The following GRIN2B variants were observed in gnomAD, a reference collection of about 807,000 sequenced individuals.
GRIN2B encodes the protein glutamate ionotropic receptor NMDA type subunit 2B.
A neutral mutation model predicts 114.5 loss-of-function variants in GRIN2B; 5 were observed. The ratio of observed to expected loss-of-function variants is 0.04; its 90% CI spans 0.02 to 0.09. The LOEUF (loss-of-function observed/expected upper bound fraction) is 0.09, where lower values mean the gene tolerates loss of function less well. GRIN2B is among the 10% of genes least tolerant of loss of function. The pLI is 1.00. For missense variants in GRIN2B, 1,108 were observed against 1,943.5 expected, an observed-to-expected ratio of 0.57 and a Z score of 8.08; for synonymous variants, 787 against 745.1, an observed-to-expected ratio of 1.06 and a Z score of -0.92.
intron 2 of GRIN2B, among the ~76,000 whole-genome samples, chr12:13,894,450 C>T (rs1565578216): frequency 6.6e-6 from 1 of 152,026 alleles, no homozygotes; most frequent in Non-Finnish European, 1.5e-5. Context: ...AATCTGTATG[C>T]TGTGATGCTT....
At chr12:13,624,685 A>C (rs1408056395) in intron 5 of GRIN2B, among the ~76,000 whole-genome samples, 1 of 152,218 alleles carries the variant, frequency 6.6e-6, no homozygotes, top group Non-Finnish European at 1.5e-5. Flanking sequence ...ACACACGCTG[A>C]AGGGAAGCCC....
At chr12:13,588,578 T>C (rs1467004817) in intron 10 of GRIN2B, among the ~76,000 whole-genome samples, 1 of 152,198 alleles carries the variant, frequency 6.6e-6, no homozygotes, top group African/African-American at 2.4e-5. Flanking sequence ...AAATAATTCT[T>C]ACAGGATGTA....
chr12:13,635,974 G>A (rs1275931076), intron 5 of GRIN2B, among the ~76,000 whole-genome samples: 1 of 152,174 alleles, frequency 6.6e-6, no homozygotes, highest in Non-Finnish European at 1.5e-5. Flanking sequence ...ACATTCTAGT[G>A]AGGGAGAAAG....
intron 3 of GRIN2B, among the ~76,000 whole-genome samples, chr12:13,832,448 T>G (rs1324610834): frequency 6.6e-6 from 1 of 152,112 alleles, no homozygotes; most frequent in Non-Finnish European, 1.5e-5. Context: ...CCTCCCAGAG[T>G]AGAGACCCCT....
intron 3 of GRIN2B, among the ~76,000 whole-genome samples, chr12:13,814,293 C>T (rs1162206920): frequency 6.6e-6 from 1 of 152,126 alleles, no homozygotes; most frequent in Non-Finnish European, 1.5e-5. Context: ...ACGAAGAGAG[C>T]GAAGAGCCAA....
intron 2 of GRIN2B, among the ~76,000 whole-genome samples, chr12:13,956,701 C>T (rs1867598647): frequency 6.6e-6 from 1 of 152,172 alleles, no homozygotes; most frequent in Admixed American, 6.5e-5. Flanking sequence ...CCGTGAGCCA[C>T]AGAACAAAAC....
chr12:13,799,005 G>C (rs544913062), intron 3 of GRIN2B, among the ~76,000 whole-genome samples: 5 of 152,172 alleles, frequency 3.3e-5, no homozygotes, highest in Admixed American at 6.5e-5. Context: ...TTTGACATTT[G>C]TTAAATCCAA....
chr12:13,960,482 G>A (rs1268627173), intron 2 of GRIN2B, among the ~76,000 whole-genome samples: 1 of 152,016 alleles, frequency 6.6e-6, no homozygotes, highest in African/African-American at 2.4e-5. Flanking sequence ...TGTGGCAAGA[G>A]GATTCATATG....
chr12:13,542,839 A>T lies in GRIN2B; in HGVS notation c.*19944T>A, dbSNP rs1404316209. The T allele has an allele frequency of 6.6e-6, 1 of 152,082 alleles. No homozygotes were observed. Among genetic ancestry groups the T allele is most frequent in the Admixed American group, 6.5e-5 (1 of 15,274 alleles). 9.4% of individuals were successfully genotyped at this position (152,082 alleles called of 1,614,324 possible). A position where few individuals can be genotyped will look rare whatever the true frequency, so the allele number is the denominator to read the frequency against. ...ACAGAAACCTGGCTCCTCTTTGAGG[A>T]CCCTGAATCACTCCCAGGTGGTGAG... On this transcript the variant is annotated 3_prime_UTR_variant, in exon 14 of 14. Transcript: ENST00000609686.
intron 2 of GRIN2B, among the ~76,000 whole-genome samples, chr12:13,925,686 A>G (rs951696357): frequency 1.3e-5 from 2 of 152,066 alleles, no homozygotes; most frequent in South Asian, 2.1e-4. Context: ...ACCAAGCCCA[A>G]TAGTCACCTT....
intron 3 of GRIN2B, among the ~76,000 whole-genome samples, chr12:13,772,870 AC>A (rs1863931846): frequency 6.6e-6 from 1 of 152,054 alleles, no homozygotes; most frequent in Non-Finnish European, 1.5e-5. Context: ...GATCAAAGCC[AC>A]CCCCTGCTCT....
intron 13 of GRIN2B, 69 bp downstream of exon 13, chr12:13,566,956 C>T: frequency 9.4e-7 from 1 of 1,067,874 alleles, no homozygotes; most frequent in Non-Finnish European, 1.5e-6. Context: ...TCTTGGTTCT[C>T]TCTGCTTTGC....
intron 5 of GRIN2B, among the ~76,000 whole-genome samples, chr12:13,619,394 G>A (rs1362308961): frequency 1.3e-5 from 2 of 152,224 alleles, no homozygotes; most frequent in African/African-American, 4.8e-5. Flanking sequence ...GGGAAGGTAC[G>A]AATGATCCTA....
chr12:13,733,810 G>C (rs1439561582), intron 4 of GRIN2B, among the ~76,000 whole-genome samples: 1 of 152,200 alleles, frequency 6.6e-6, no homozygotes, highest in Non-Finnish European at 1.5e-5. Flanking sequence ...AAAAACTTTG[G>C]AATCAGAAGG....
chr12:13,596,178 C>A (rs1451671041), intron 10 of GRIN2B, among the ~76,000 whole-genome samples: 1 of 152,186 alleles, frequency 6.6e-6, no homozygotes, highest in African/African-American at 2.4e-5. Context: ...AGTATTCTTT[C>A]TTCAGTACCA....
intron 5 of GRIN2B, among the ~76,000 whole-genome samples, chr12:13,646,059 G>T (rs904572134): frequency 8.5e-5 from 13 of 152,096 alleles, no homozygotes; most frequent in African/African-American, 3.1e-4. Flanking sequence ...TCCCCAGACA[G>T]TGTTCACTGG....
rs1156870407 is a variant in GRIN2B at position 13,547,132 on chromosome 12, C to A, written c.*15651G>T. The A allele has an allele frequency of 6.6e-6, 1 of 152,110 alleles. No individual in the cohort carries two copies. The highest frequency in any genetic ancestry group is 1.9e-4 in the East Asian group (1 of 5,192). 9.4% of individuals were successfully genotyped at this position (152,110 alleles called of 1,614,324 possible). A position where few individuals can be genotyped will look rare whatever the true frequency, so the allele number is the denominator to read the frequency against. On this transcript the variant is annotated 3_prime_UTR_variant, in exon 14 of 14. Transcript: ENST00000609686. ...TAAGAATACAGTTTAAGGGATATAT[C>A]CCATTTTCATAGGAAAGGAAAGTCG...
intron 3 of GRIN2B, among the ~76,000 whole-genome samples, chr12:13,859,864 C>T (rs1306968520): frequency 6.6e-6 from 1 of 152,210 alleles, no homozygotes; most frequent in Non-Finnish European, 1.5e-5. Context: ...TTTCCTCTCA[C>T]TTTTCCTACC....
chr12:13,566,912 T>C, intron 13 of GRIN2B, 113 bp downstream of exon 13: 1 of 800,050 alleles, frequency 1.2e-6, no homozygotes, highest in South Asian at 1.4e-5. Context: ...ATGTGGTTTC[T>C]TGCTTGAGCA....
Sources: allele counts gnomAD v4.1 joint callset (sites outside exome capture counted in the v4.1 genomes callset), GRCh38; gene constraint gnomAD v4.1.1; transcripts MANE v1.5; gene names NCBI Gene and HGNC (gene_info 2026-07-23, HGNC 2026-07-21).